GRM7: variants seen among roughly 807,000 people sequenced by gnomAD.
GRM7 encodes glutamate metabotropic receptor 7.
In GRM7, 35 loss-of-function variants were observed where a neutral mutation model predicts 84.5. The observed-to-expected ratio is 0.41, with a 90% CI of 0.32 to 0.55. GRM7 has a LOEUF of 0.55. GRM7 is among the 20% of genes least tolerant of loss of function. The probability of loss-of-function intolerance (pLI) is 0.19; values close to 1 mark genes in which losing one functional copy is unlikely to be tolerated. For missense variants in GRM7, 1,003 were observed against 1,194.6 expected, an observed-to-expected ratio of 0.84 and a Z score of 2.36; for synonymous variants, 487 against 455.1, an observed-to-expected ratio of 1.07 and a Z score of -0.89.
At chr3:7,581,007 T>G (rs1695222367) in intron 8 of GRM7, among the ~76,000 whole-genome samples, 1 of 152,178 alleles carries the variant, frequency 6.6e-6, no homozygotes, top group Non-Finnish European at 1.5e-5. Context: ...TTAAAACAAC[T>G]CAATACCTCA....
chr3:7,357,881 T>G (rs1364242281), intron 4 of GRM7, among the ~76,000 whole-genome samples: 33 of 152,094 alleles, frequency 2.2e-4, no homozygotes, highest in Admixed American at 2.0e-3. Flanking sequence ...AATAAGCAAT[T>G]ATTTTTAGCT....
rs964714158 is a variant in GRM7, at chr3:6,862,004, G to C, written c.519+97G>C. 1.5e-5 allele frequency: 15 copies of C among 1,014,812 alleles called. No homozygotes were observed. Among genetic ancestry groups the C allele is most frequent in the Non-Finnish European group, 2.2e-5 (15 of 695,190 alleles). 62.9% of individuals were successfully genotyped at this position (1,014,812 alleles called of 1,614,324 possible). A position where few individuals can be genotyped will look rare whatever the true frequency, so the allele number is the denominator to read the frequency against. On this transcript the variant is annotated intron_variant, in intron 1 of 9. Transcript: ENST00000357716. The surrounding 1 kb of genome is among the most constrained non-coding windows in gnomAD (Gnocchi z 5.2). ...GACTCCGGTGGTGCGGGTCAGGTCA[G>C]CCTTCGCTCATTTCCTCCCTGGAGA...
At chr3:7,471,894 G>A (rs900879075) in intron 7 of GRM7, among the ~76,000 whole-genome samples, 14 of 152,236 alleles carry the variant, frequency 9.2e-5, no homozygotes, top group South Asian at 2.1e-4. Context: ...GACTGCTATC[G>A]TTTGAATGTT....
At chr3:7,196,459 C>T (rs1054625190) in intron 2 of GRM7, among the ~76,000 whole-genome samples, 1 of 152,156 alleles carries the variant, frequency 6.6e-6, no homozygotes, top group African/African-American at 2.4e-5. Context: ...CTGCCTAACT[C>T]TCAGCTTCAT....
intron 1 of GRM7, among the ~76,000 whole-genome samples, chr3:7,056,227 A>G (rs1697214952): frequency 1.3e-5 from 2 of 151,976 alleles, no homozygotes; most frequent in South Asian, 4.1e-4. Flanking sequence ...TCTGGCAGCC[A>G]CAGTTTCTGG....
intron 4 of GRM7, among the ~76,000 whole-genome samples, chr3:7,389,348 G>A (rs534684273): frequency 1.3e-5 from 2 of 152,188 alleles, no homozygotes; most frequent in Non-Finnish European, 2.9e-5. Context: ...TTATATTCTG[G>A]TTGTTGGGTG....
At chr3:7,292,687 G>C (rs183360028) in intron 2 of GRM7, among the ~76,000 whole-genome samples, 8 of 151,598 alleles carry the variant, frequency 5.3e-5, no homozygotes, top group Non-Finnish European at 1.0e-4. Context: ...GTATTCTAAG[G>C]CTTCTTCTAC....
intron 1 of GRM7, among the ~76,000 whole-genome samples, chr3:7,004,808 T>C (rs1695126522): frequency 6.6e-6 from 1 of 152,184 alleles, no homozygotes; most frequent in Non-Finnish European, 1.5e-5. Context: ...CAAAATGCAC[T>C]GCCTTATTGG....
At chr3:7,387,662 C>A (rs1312271505) in intron 4 of GRM7, among the ~76,000 whole-genome samples, 5 of 152,098 alleles carry the variant, frequency 3.3e-5, no homozygotes, top group Non-Finnish European at 7.4e-5. Context: ...ATTTTTGTAC[C>A]AGTACCATGC....
intron 2 of GRM7, among the ~76,000 whole-genome samples, chr3:7,201,673 T>A (rs1696073865): frequency 6.6e-6 from 1 of 152,216 alleles, no homozygotes; most frequent in African/African-American, 2.4e-5. Flanking sequence ...CAGCTACTAT[T>A]ATCCTCAACA....
intron 1 of GRM7, among the ~76,000 whole-genome samples, chr3:7,063,650 G>C (rs1376332484): frequency 1.3e-5 from 2 of 151,682 alleles, no homozygotes; most frequent in Non-Finnish European, 2.9e-5. Flanking sequence ...ACACCTGAAA[G>C]TATCTTGGCT....
intron 9 of GRM7, among the ~76,000 whole-genome samples, chr3:7,688,887 T>C (rs1575634622): frequency 6.6e-6 from 1 of 152,188 alleles, no homozygotes; most frequent in South Asian, 2.1e-4. Flanking sequence ...GGTTTGAAAA[T>C]GCATTCTGTA....
intron 1 of GRM7, among the ~76,000 whole-genome samples, chr3:7,045,153 T>C (rs1696758885): frequency 6.6e-6 from 1 of 152,128 alleles, no homozygotes; most frequent in Non-Finnish European, 1.5e-5. Flanking sequence ...TAAGTTGACG[T>C]GTTAGGGCTG....
At chr3:7,247,572 T>C (rs1697814596) in intron 2 of GRM7, among the ~76,000 whole-genome samples, 1 of 132,948 alleles carries the variant, frequency 7.5e-6, no homozygotes, top group African/African-American at 2.9e-5. Context: ...CCAGCCTGGG[T>C]AATAGAATGA....
intron 7 of GRM7, among the ~76,000 whole-genome samples, chr3:7,467,032 A>G (rs945087218): frequency 3.3e-5 from 5 of 152,172 alleles, no homozygotes; most frequent in Non-Finnish European, 7.3e-5. Context: ...TTTTAAAATG[A>G]TGGACGTTAT....
intron 1 of GRM7, among the ~76,000 whole-genome samples, chr3:6,972,590 C>A (rs1193736840): frequency 6.6e-6 from 1 of 152,116 alleles, no homozygotes; most frequent in East Asian, 1.9e-4. Flanking sequence ...GTCAAAAGGC[C>A]TATTGGCAAG....
intron 2 of GRM7, among the ~76,000 whole-genome samples, chr3:7,163,888 G>A (rs1445311981): frequency 6.6e-6 from 1 of 152,132 alleles, no homozygotes; most frequent in South Asian, 2.1e-4. Context: ...TTTTTAAAAT[G>A]TGTTTTGAAT....
chr3:7,500,668 C>T (rs1207470696), intron 7 of GRM7, among the ~76,000 whole-genome samples: 1 of 152,230 alleles, frequency 6.6e-6, no homozygotes, highest in Non-Finnish European at 1.5e-5. Flanking sequence ...AATCTTCACT[C>T]ACATCCCTCA....
intron 1 of GRM7, among the ~76,000 whole-genome samples, chr3:6,954,087 A>G (rs1692916071): frequency 6.6e-6 from 1 of 152,200 alleles, no homozygotes; most frequent in Non-Finnish European, 1.5e-5. Flanking sequence ...TATATAAAAC[A>G]AATATGCATA....
Sources: allele counts gnomAD v4.1 joint callset (sites outside exome capture counted in the v4.1 genomes callset), GRCh38; gene constraint gnomAD v4.1.1; non-coding constraint Gnocchi (gnomAD v3.1); transcripts MANE v1.5; gene names NCBI Gene and HGNC (gene_info 2026-07-23, HGNC 2026-07-21).